Variants in FOXN3 observed in about 807,000 individuals in gnomAD.
FOXN3 encodes the protein forkhead box protein N3.
Under a neutral mutation model 38.4 loss-of-function variants are expected in FOXN3, and 7 were observed. The ratio of observed to expected loss-of-function variants is 0.18; its 90% CI spans 0.10 to 0.34. FOXN3 has a LOEUF of 0.34. Ranked by LOEUF, FOXN3 falls within the 10% of genes least tolerant of loss-of-function variation. The pLI is 1.00. For missense variants in FOXN3, 456 were observed against 613.4 expected (o/e 0.74, Z 2.71); for synonymous variants, 230 against 242.2 (o/e 0.95, Z 0.47).
At chr14:89,257,456 TAAG>T (rs1472933922) in intron 4 of FOXN3, among the ~76,000 whole-genome samples, 1 of 152,220 alleles carries the variant, frequency 6.6e-6, no homozygotes, top group African/African-American at 2.4e-5. Flanking sequence ...AGAAATCTTC[TAAG>T]AACAGAACTA....
chr14:89,324,997 C>T (rs1409776796), intron 3 of FOXN3, among the ~76,000 whole-genome samples: 1 of 152,162 alleles, frequency 6.6e-6, no homozygotes, highest in Admixed American at 6.5e-5. Flanking sequence ...ACATGGTAGC[C>T]TCTTGCCACA....
rs777376846 is a variant in FOXN3 at position 89,291,014 on chromosome 14, C to T, written c.681-10000G>A. ...TCCACGTGAGGCCCGTGGTGTGGTG[C>T]TCCTTGACTCATGCTTGAAACTCAC... On this transcript the variant is annotated intron_variant, in intron 3 of 5. Transcript: ENST00000557258. The T allele has an allele frequency of 1.5e-4, 66 of 455,102 alleles. 1 individual carries two copies. Among genetic ancestry groups the T allele is most frequent in the Non-Finnish European group, 2.4e-4 (54 of 225,812 alleles). The allele number at this position is 455,102 out of a possible 1,614,324, so 28.2% of individuals were successfully genotyped here. A position where few individuals can be genotyped will look rare whatever the true frequency, so the allele number is the denominator to read the frequency against.
At chr14:89,608,659 G>C (rs994167345) in intron 1 of FOXN3, among the ~76,000 whole-genome samples, 1 of 152,156 alleles carries the variant, frequency 6.6e-6, no homozygotes, top group East Asian at 1.9e-4. Context: ...CCGAGCCTAG[G>C]GACCCTGAGT....
At chr14:89,261,021 T>C (rs1381073046) in intron 4 of FOXN3, among the ~76,000 whole-genome samples, 2 of 152,234 alleles carry the variant, frequency 1.3e-5, no homozygotes, top group African/African-American at 4.8e-5. Context: ...TATGTGCATG[T>C]GTGCGGACTA....
chr14:89,323,855 A>C (rs1887966882), intron 3 of FOXN3, among the ~76,000 whole-genome samples: 1 of 152,164 alleles, frequency 6.6e-6, no homozygotes, highest in South Asian at 2.1e-4. Context: ...GTGGTGGTGA[A>C]GTGTAGATAC....
At chr14:89,542,034 T>G (rs1034381302) in intron 1 of FOXN3, among the ~76,000 whole-genome samples, 1 of 152,164 alleles carries the variant, frequency 6.6e-6, no homozygotes, top group East Asian at 1.9e-4. Context: ...GAGTCCGAAG[T>G]GCAAAGTAAA....
intron 1 of FOXN3, among the ~76,000 whole-genome samples, chr14:89,459,807 T>C (rs1892802035): frequency 6.6e-6 from 1 of 152,140 alleles, no homozygotes; most frequent in African/African-American, 2.4e-5. Context: ...ATTGCCTGGA[T>C]AGTACAGAAT....
intron 3 of FOXN3, among the ~76,000 whole-genome samples, chr14:89,337,882 A>G (rs944166091): frequency 7.2e-5 from 11 of 152,146 alleles, no homozygotes; most frequent in South Asian, 2.1e-4. Context: ...TGCCTGCCTC[A>G]GCCTCCCAAA....
At chr14:89,253,246 T>A (rs1885515731) in intron 4 of FOXN3, among the ~76,000 whole-genome samples, 1 of 152,230 alleles carries the variant, frequency 6.6e-6, no homozygotes, top group Non-Finnish European at 1.5e-5. Flanking sequence ...CAGGGAGTGC[T>A]CACCGGCATC....
rs757161328 is a variant in FOXN3 at position 89,362,786 on chromosome 14, C to CCACCACCACCACCAA, written c.544-11979_544-11978insTTGGTGGTGGTGGTG. ...ACCACCACCACCACCACCACCACCACCACCATCTCCACCACCACCTCCACC... is the reference window on the plus strand; with the variant it reads ...ACCACCACCACCACCACCACCACCACCACCACCACCACCAACACCATCTCCACCACCACCTCCACC... On this transcript the variant is annotated intron_variant, in intron 2 of 5. Coordinates refer to ENST00000557258, the MANE Select transcript of FOXN3 (RefSeq NM_005197.4). Among the ~76,000 whole-genome samples, 3 of 112,004 alleles carry CCACCACCACCACCAA rather than the reference C, an allele frequency of 2.7e-5. 1 individual carries two copies. Among genetic ancestry groups the CCACCACCACCACCAA allele is most frequent in the Non-Finnish European group, 5.8e-5 (3 of 51,956 alleles). The allele number at this position is 112,004 out of a possible 152,430, so 73.5% of individuals were successfully genotyped here.
chr14:89,395,392 A>G (rs1482238293), intron 2 of FOXN3, among the ~76,000 whole-genome samples: 1 of 152,212 alleles, frequency 6.6e-6, no homozygotes, highest in Non-Finnish European at 1.5e-5. Flanking sequence ...CAACCAAATT[A>G]GCAATAAAAC....
intron 1 of FOXN3, among the ~76,000 whole-genome samples, chr14:89,534,597 A>G (rs995204857): frequency 1.6e-4 from 25 of 152,168 alleles, no homozygotes; most frequent in Non-Finnish European, 3.2e-4. Context: ...AAGAAGAAAA[A>G]GAAATTAGTC....
intron 5 of FOXN3, among the ~76,000 whole-genome samples, chr14:89,179,695 A>G (rs1347633690): frequency 6.6e-6 from 1 of 152,208 alleles, no homozygotes; most frequent in Non-Finnish European, 1.5e-5. Flanking sequence ...GAAGGGCTAA[A>G]GCATGGGGCT....
intron 1 of FOXN3, among the ~76,000 whole-genome samples, chr14:89,451,260 C>T (rs1892607688): frequency 1.3e-5 from 2 of 152,160 alleles, no homozygotes; most frequent in African/African-American, 4.8e-5. Context: ...GGTAGCCGGG[C>T]CCCCTACCAT....
chr14:89,288,677 T>G (rs2401818), intron 3 of FOXN3, among the ~76,000 whole-genome samples: 1,271 of 57,392 alleles, frequency 0.022, 67 homozygotes, highest in African/African-American at 0.047. Flanking sequence ...TCTTTCTCTC[T>G]CTCTCTCTCT....
chr14:89,491,718 G>A (rs1005750490), intron 1 of FOXN3, among the ~76,000 whole-genome samples: 17 of 152,190 alleles, frequency 1.1e-4, no homozygotes, highest in African/African-American at 3.6e-4. Flanking sequence ...CACCATTTAT[G>A]ACTGGGAATA....
intron 1 of FOXN3, among the ~76,000 whole-genome samples, chr14:89,447,814 CTTTTTT>C (rs3057950): frequency 3.2e-5 from 3 of 92,784 alleles, no homozygotes; most frequent in South Asian, 4.3e-4. Context: ...GCCTTTCTTC[CTTTTTT>C]TTTTTTTTTT....
intron 1 of FOXN3, among the ~76,000 whole-genome samples, chr14:89,507,925 T>C (rs1893979917): frequency 6.6e-6 from 1 of 152,214 alleles, no homozygotes; most frequent in Non-Finnish European, 1.5e-5. Flanking sequence ...GTTTTATCAA[T>C]AAGCAGCTTG....
intron 1 of FOXN3, among the ~76,000 whole-genome samples, chr14:89,416,221 G>A (rs1891718247): frequency 6.6e-6 from 1 of 152,194 alleles, no homozygotes; most frequent in African/African-American, 2.4e-5. Flanking sequence ...GCTGCACCCC[G>A]CGTCAATCAG....
Sources: allele counts gnomAD v4.1 joint callset (sites outside exome capture counted in the v4.1 genomes callset), GRCh38; gene constraint gnomAD v4.1.1; transcripts MANE v1.5; gene names NCBI Gene and HGNC (gene_info 2026-07-23, HGNC 2026-07-21).